Variants in RYR3 observed in about 807,000 individuals in gnomAD.
The protein encoded by RYR3 is brain ryanodine receptor-calcium release channel.
Under a neutral mutation model 584.3 loss-of-function variants are expected in RYR3, and 207 were observed. The observed-to-expected ratio is 0.35, with a 90% CI of 0.32 to 0.40. The LOEUF (loss-of-function observed/expected upper bound fraction) is 0.40, where lower values mean the gene tolerates loss of function less well. RYR3 is among the 10% of genes least tolerant of loss of function. RYR3 has a pLI of 1.00. For missense variants in RYR3, 5,616 were observed against 6,089.2 expected, an observed-to-expected ratio of 0.92 and a Z score of 2.59; for synonymous variants, 2,416 against 2,248.5, an observed-to-expected ratio of 1.07 and a Z score of -2.11.
chr15:33,673,478 T>C (rs1395173458), intron 38 of RYR3, among the ~76,000 whole-genome samples: 1 of 152,228 alleles, frequency 6.6e-6, no homozygotes, highest in Non-Finnish European at 1.5e-5. Flanking sequence ...GATCAAATGA[T>C]AATGAACAAG....
rs2061168178 is a variant in RYR3, at chr15:33,629,593, T to C, written c.2680-347T>C. ...CAACACTGGTCCAGATTCTGTAGCC[T>C]GTCCTATGCTGAAGAATGTTCCTCT... On this transcript the variant is annotated intron_variant, in intron 21 of 103. Coordinates refer to ENST00000634891, the MANE Select transcript of RYR3 (RefSeq NM_001036.6). Among the ~76,000 whole-genome samples the C allele has an allele frequency of 2.0e-5, 3 of 152,244 alleles. No individual in the cohort carries two copies. In the South Asian group the frequency reaches 6.2e-4, roughly 31 times the overall value.
At chr15:33,677,414 C>T (rs1399023922) in intron 38 of RYR3, among the ~76,000 whole-genome samples, 1 of 152,192 alleles carries the variant, frequency 6.6e-6, no homozygotes, top group Non-Finnish European at 1.5e-5. Flanking sequence ...ATTTCAGAGG[C>T]ATCTCTCCCT....
At chr15:33,462,504 A>C (rs2048124048) in intron 1 of RYR3, among the ~76,000 whole-genome samples, 1 of 152,338 alleles carries the variant, frequency 6.6e-6, no homozygotes, top group East Asian at 1.9e-4. Flanking sequence ...AAGTATTGTT[A>C]GAAGATCTTG....
chr15:33,361,515 T>C (rs1227771209), intron 1 of RYR3, among the ~76,000 whole-genome samples: 2 of 152,122 alleles, frequency 1.3e-5, no homozygotes, highest in Non-Finnish European at 2.9e-5. Context: ...GTGTTTAGCA[T>C]TGCACCTTTC....
At chr15:33,787,462 G>T (rs548739876) in intron 66 of RYR3, among the ~76,000 whole-genome samples, 72 of 151,944 alleles carry the variant, frequency 4.7e-4, no homozygotes, top group African/African-American at 1.6e-3. Flanking sequence ...AATGTAGATT[G>T]TCAGTGGTTC....
At chr15:33,669,700 C>T (rs955926015) in intron 37 of RYR3, among the ~76,000 whole-genome samples, 1 of 152,138 alleles carries the variant, frequency 6.6e-6, no homozygotes, top group African/African-American at 2.4e-5. Flanking sequence ...AGAGAGGAAA[C>T]AGGGTTTCTA....
At chr15:33,784,579 G>T (rs2074588153) in intron 65 of RYR3, among the ~76,000 whole-genome samples, 1 of 152,210 alleles carries the variant, frequency 6.6e-6, no homozygotes, top group Admixed American at 6.5e-5. Context: ...TTCCCAGACT[G>T]CCTAGCTCCT....
At position 33,848,350 on chromosome 15, in the gene RYR3, C is replaced by T. The variant is rs751813594; in HGVS notation, c.13557C>T (p.Gly4519=). 21 of 1,613,620 alleles carry T rather than the reference C, an allele frequency of 1.3e-5. No homozygotes were observed. Among genetic ancestry groups the T allele is most frequent in the South Asian group, 4.4e-5 (4 of 91,068 alleles). Residue 4519 remains glycine (G), a synonymous_variant, in exon 94 of 104, where the codon GGC becomes GGT. Coordinates refer to ENST00000634891, the MANE Select transcript of RYR3 (RefSeq NM_001036.6). ...TCGCCAGGAAGCTGGAGTTTGATGG[C>T]CTATATATCACCGAACAGCCATCTG... The part of the protein sequence containing the change: ...KEIARKLEFD[G]LYITEQPSED...
intron 12 of RYR3, among the ~76,000 whole-genome samples, chr15:33,575,907 A>G (rs1022091140): frequency 6.6e-6 from 1 of 152,142 alleles, no homozygotes; most frequent in Admixed American, 6.5e-5. Context: ...AATAGACACA[A>G]TAAAAAATGA....
At chr15:33,577,230 C>T (rs1176752839) in intron 12 of RYR3, among the ~76,000 whole-genome samples, 1 of 152,176 alleles carries the variant, frequency 6.6e-6, no homozygotes, top group Non-Finnish European at 1.5e-5. Flanking sequence ...TCCCATTAAA[C>T]TACCATTGAC....
chr15:33,820,668 T>C (rs1335742589), intron 77 of RYR3, 88 bp from the exon 78 acceptor site: 7 of 1,201,610 alleles, frequency 5.8e-6, no homozygotes, highest in Admixed American at 2.1e-5. Flanking sequence ...AATTACGTCC[T>C]GTCCCCTGCC....
intron 85 of RYR3, among the ~76,000 whole-genome samples, chr15:33,829,762 A>G (rs1379448314): frequency 6.6e-6 from 1 of 152,118 alleles, no homozygotes; most frequent in African/African-American, 2.4e-5. Flanking sequence ...AAAAAAAAAA[A>G]AAAAAAATTT....
At position 33,428,260 on chromosome 15, in the gene RYR3, A is replaced by G. The variant is rs141699194; in HGVS notation, c.52-45159A>G. Among the ~76,000 whole-genome samples, 627 of 152,310 alleles carry G rather than the reference A, an allele frequency of 4.1e-3. 3 individuals are homozygous for G. The highest frequency in any genetic ancestry group is 6.3e-3 in the Non-Finnish European group (427 of 68,022). On this transcript the variant is annotated intron_variant, in intron 1 of 103. Transcript: ENST00000634891. Reference sequence around the variant, plus strand: ...GCATTCGAGTTAATGAGCTAATTCCATATCAAATGGCACAATGATCCTTAA... The same window carrying G: ...GCATTCGAGTTAATGAGCTAATTCCGTATCAAATGGCACAATGATCCTTAA...
At chr15:33,431,807 T>C (rs1452433614) in intron 1 of RYR3, among the ~76,000 whole-genome samples, 2 of 152,150 alleles carry the variant, frequency 1.3e-5, no homozygotes, top group Admixed American at 1.3e-4. Context: ...TTAGCCTTCT[T>C]TGAAATGCCA....
At chr15:33,764,131 C>T (rs2195557) in intron 60 of RYR3, among the ~76,000 whole-genome samples, 81,655 of 151,576 alleles carry the variant, frequency 0.54, 24,092 homozygotes, top group African/African-American at 0.81. Context: ...TGCCCGTGTA[C>T]GTTTATTGCA....
chr15:33,507,795 T>C (rs2052606720), intron 3 of RYR3, among the ~76,000 whole-genome samples: 1 of 152,136 alleles, frequency 6.6e-6, no homozygotes, highest in African/African-American at 2.4e-5. Context: ...GGGCAAATTA[T>C]TTCTCCTTTC....
chr15:33,625,908 C>T lies in RYR3; in HGVS notation c.2574+1885C>T, dbSNP rs2060960433. On this transcript the variant is annotated intron_variant, in intron 20 of 103. Transcript: ENST00000634891. ...AGATAAGAGGAGTCCAGAAAAAGCC[C>T]CATCCTGTATCATTTGTTTTTCAAA... Among the ~76,000 whole-genome samples the T allele has an allele frequency of 2.0e-5, 3 of 152,054 alleles. No homozygotes were observed. The South Asian group carries it at 6.2e-4, about 32-fold the overall frequency.
chr15:33,581,579 G>A lies in RYR3; in HGVS notation c.1509G>A (p.Gly503=), dbSNP rs776066857. ...ACAATAGCGTAGCACACTTTGCAGGGATTGCAAGGGAAGAGAGTGGCATGG... is the reference window on the plus strand; with the variant it reads ...ACAATAGCGTAGCACACTTTGCAGGAATTGCAAGGGAAGAGAGTGGCATGG... The part of the protein sequence containing the change: ...NVYNSVAHFA[G]IAREESGMAW... Residue 503 remains glycine, a synonymous_variant, in exon 14 of 104, where the codon GGG becomes GGA. Coordinates refer to ENST00000634891, the MANE Select transcript of RYR3 (RefSeq NM_001036.6). 9.3e-6 allele frequency: 15 copies of A among 1,613,060 alleles called. No homozygotes were observed. The highest frequency in any genetic ancestry group is 1.2e-5 in the Non-Finnish European group (14 of 1,179,168).
At chr15:33,725,182 C>CACACACACACACACATATAT (rs2068276380) in intron 45 of RYR3, among the ~76,000 whole-genome samples, 3 of 149,276 alleles carry the variant, frequency 2.0e-5, no homozygotes, top group South Asian at 2.1e-4. Context: ...CACACACACA[C>CACACACACACACACATATAT]ACACACACAC....
Sources: gnomAD v4.1 joint callset for allele counts (sites outside exome capture counted in the v4.1 genomes callset) on GRCh38, gnomAD v4.1.1 for gene constraint, MANE v1.5 for transcripts, NCBI Gene and HGNC (gene_info 2026-07-23, HGNC 2026-07-21) for gene names.